Variants in GLP2R observed in about 807,000 individuals in gnomAD.
GLP2R encodes glucagon like peptide 2 receptor, also known as glucagon-like peptide 2 receptor.
In GLP2R, 59 loss-of-function variants were observed where a neutral mutation model predicts 68.2. That is an observed-to-expected ratio of 0.87 (90% CI 0.70 to 1.07). The LOEUF is 1.07. Among genes scored for constraint, GLP2R ranks in the 50% least tolerant of loss-of-function variants. GLP2R has a pLI of 0.00. For synonymous variants in GLP2R, 270 were observed against 265.4 expected (o/e 1.02, Z -0.17); for missense variants, 548 against 677.4 (o/e 0.81, Z 2.12).
At position 9,854,621 on chromosome 17, in the gene GLP2R, G is replaced by A. The variant is rs1463497454; in HGVS notation, c.611+20G>A. The stretch of plus-strand genomic sequence containing the variant: ...TCTTCGGTGAGTAGAACTTCTGCAG[G>A]CATGTGTTCGGGCAGGTATAGTAGC... On this transcript the variant is annotated intron_variant, in intron 5 of 12. Transcript: ENST00000262441. The A allele has an allele frequency of 3.6e-6, 5 of 1,383,834 alleles. No individual in the cohort carries two copies. The African/African-American group carries it at 7.1e-5, about 20-fold the overall frequency. 85.7% of individuals were successfully genotyped at this position (1,383,834 alleles called of 1,614,324 possible). A position where few individuals can be genotyped will look rare whatever the true frequency, so the allele number is the denominator to read the frequency against.
chr17:9,861,988 T>C, intron 8 of GLP2R, 33 bp from the exon 9 acceptor site: 1 of 1,486,536 alleles, frequency 6.7e-7, no homozygotes, highest in South Asian at 1.1e-5. Context: ...TGTTTTTAAG[T>C]CTTCTACTGC....
intron 8 of GLP2R, 84 bp downstream of exon 8, chr17:9,861,283 G>T (rs576231143): frequency 8.5e-5 from 79 of 932,242 alleles, no homozygotes; most frequent in Non-Finnish European, 1.4e-4. Flanking sequence ...TCATTTTACC[G>T]TAGAAAATAT....
chr17:9,840,859 A>C (rs1376212952), intron 3 of GLP2R, among the ~76,000 whole-genome samples: 1 of 152,178 alleles, frequency 6.6e-6, no homozygotes, highest in African/African-American at 2.4e-5. Flanking sequence ...TTCCATGAAG[A>C]GAAGTAGGCA....
In GLP2R at chr17:9,851,709, G is replaced by A. The variant is rs200760370; in HGVS notation, c.505-2786G>A. Among the ~76,000 whole-genome samples the A allele has an allele frequency of 1.2e-4, 18 of 151,240 alleles. No homozygotes were observed. The East Asian group carries it at 2.5e-3, about 21-fold the overall frequency. On this transcript the variant is annotated intron_variant, in intron 4 of 12. Coordinates refer to ENST00000262441, the MANE Select transcript of GLP2R (RefSeq NM_004246.3). The stretch of plus-strand genomic sequence containing the variant: ...ATAACAGAGAAAGAAAAAAACATAC[G>A]ACATAGACATTTTAATCTACAAAAA...
chr17:9,878,348 G>T (rs961531410), intron 10 of GLP2R, among the ~76,000 whole-genome samples: 4 of 152,156 alleles, frequency 2.6e-5, no homozygotes, highest in Non-Finnish European at 4.4e-5. Context: ...AACAAAAATT[G>T]CTCCGTGGCC....
In GLP2R at chr17:9,891,432, G is replaced by C. The variant is rs985883656; in HGVS notation, c.*1727G>C. 1 of 152,250 alleles carries C rather than the reference G, an allele frequency of 6.6e-6. No individual in the cohort carries two copies. 9.4% of individuals were successfully genotyped at this position (152,250 alleles called of 1,614,324 possible). On this transcript the variant is annotated 3_prime_UTR_variant, in exon 13 of 13. Coordinates refer to ENST00000262441, the MANE Select transcript of GLP2R (RefSeq NM_004246.3). ...TTTATAGAAATGAAATTTGATTGGA[G>C]CCAGGGGCAGGATAAGGGTGAGGCA...
At position 9,846,004 on chromosome 17, in the gene GLP2R, A is replaced by T. The variant is rs528160816; in HGVS notation, c.504+3388A>T. Among the ~76,000 whole-genome samples, 11 of 152,312 alleles carry T rather than the reference A, an allele frequency of 7.2e-5. No individual in the cohort carries two copies. The South Asian group carries it at 2.1e-3, about 29-fold the overall frequency. ...TGCTTTAGACATTTAAACTATGTTA[A>T]ATAATTGTTATAATAAGAAAATCTT... On this transcript the variant is annotated intron_variant, in intron 4 of 12. Coordinates refer to ENST00000262441, the MANE Select transcript of GLP2R (RefSeq NM_004246.3).
chr17:9,862,512 A>G (rs2066996096), intron 9 of GLP2R, among the ~76,000 whole-genome samples: 1 of 152,174 alleles, frequency 6.6e-6, no homozygotes, highest in Non-Finnish European at 1.5e-5. Context: ...CACAATTAAT[A>G]TTAACCCAAA....
At chr17:9,877,615 G>C (rs1312005241) in intron 10 of GLP2R, among the ~76,000 whole-genome samples, 2 of 152,026 alleles carry the variant, frequency 1.3e-5, no homozygotes, top group Non-Finnish European at 2.9e-5. Context: ...CTATGCCGGG[G>C]GCGGTGGCTC....
chr17:9,879,391 G>A (rs1182007868), intron 10 of GLP2R, among the ~76,000 whole-genome samples: 1 of 152,008 alleles, frequency 6.6e-6, no homozygotes, highest in Non-Finnish European at 1.5e-5. Context: ...CAGCTTCTCT[G>A]GAGTCCGAAG....
chr17:9,871,339 G>A (rs1339219418), intron 10 of GLP2R, among the ~76,000 whole-genome samples: 1 of 139,424 alleles, frequency 7.2e-6, no homozygotes, highest in Non-Finnish European at 1.6e-5. Flanking sequence ...GGGTGACCCT[G>A]TCTCAAAAAA....
chr17:9,839,273 G>A (rs1259083051), intron 3 of GLP2R, among the ~76,000 whole-genome samples: 2 of 152,156 alleles, frequency 1.3e-5, no homozygotes, highest in Admixed American at 6.5e-5. Context: ...AAGGGCAAGA[G>A]GGCAGAGAGA....
At chr17:9,839,455 T>C (rs1327174605) in intron 3 of GLP2R, among the ~76,000 whole-genome samples, 1 of 151,832 alleles carries the variant, frequency 6.6e-6, no homozygotes, top group Non-Finnish European at 1.5e-5. Flanking sequence ...GGTCTCAGGG[T>C]CCACCTGGCC....
chr17:9,859,939 C>T lies in GLP2R; in HGVS notation c.766-3C>T. 6.3e-7 allele frequency: 1 copy of T among 1,593,830 alleles called. No homozygotes were observed. ...TCACCCTCAGGTGTTTTTTCCTCTG[C>T]AGATGTCCACCTCCTGCCGCTCAGT... On this transcript the variant is annotated splice_polypyrimidine_tract_variant and splice_region_variant and intron_variant, in intron 6 of 12. Coordinates refer to ENST00000262441, the MANE Select transcript of GLP2R (RefSeq NM_004246.3).
Position 9,826,214 on chromosome 17 carries a change from C to A in GLP2R, c.151C>A (p.Pro51Thr), listed in dbSNP as rs756219355. The change falls in exon 1 of 13, where the codon CCC (proline) becomes ACC (threonine). Residue 51 changes from proline (P) to threonine (T), a missense_variant. By Grantham distance (38) the Pro-to-Thr change is conservative. Transcript: ENST00000262441. ...RKCSLWAPGR[P>T]FLTLVLLVSI... ...GTGCTCTCTCTGGGCCCCTGGGAGG[C>A]CCTTCCTCACTCTGGTCCTGCTGGT... 1.2e-6 allele frequency: 2 copies of A among 1,612,032 alleles called. No individual in the cohort carries two copies. The highest frequency in any genetic ancestry group is 1.3e-5 in the African/African-American group (1 of 74,968).
At chr17:9,860,219 C>T in intron 7 of GLP2R, 118 bp downstream of exon 7, 1 of 933,874 alleles carries the variant, frequency 1.1e-6, no homozygotes, top group Non-Finnish European at 1.6e-6. Flanking sequence ...ACATATAAGT[C>T]CTCAAAGACA....
In GLP2R at chr17:9,854,588, CTCT is replaced by C. The variant is rs763086086; in HGVS notation, c.600_602del (p.Leu201del). The C allele has an allele frequency of 6.3e-7, 1 of 1,594,838 alleles. No homozygotes were observed. Among genetic ancestry groups the C allele is most frequent in the Non-Finnish European group, 8.6e-7 (1 of 1,162,402 alleles). On this transcript the variant is annotated inframe_deletion, in exon 5 of 13. Transcript: ENST00000262441. ...CTCCCTCTTCCTGGCTCTCACCCTC[CTCT>C]TGTTTCTTCGGTGAGTAGAACTTCT...
At chr17:9,842,457 T>C in intron 3 of GLP2R, 38 bp from the exon 4 acceptor site, 1 of 1,613,416 alleles carries the variant, frequency 6.2e-7, no homozygotes, top group Non-Finnish European at 8.5e-7. Context: ...ACGGGCTGTG[T>C]GTTCTGACCT....
rs1163086013 is a variant in GLP2R, at chr17:9,836,578, C to T, written c.382+103C>T. The T allele has an allele frequency of 1.9e-5, 13 of 670,540 alleles. No individual in the cohort carries two copies. In the South Asian group the frequency reaches 2.2e-4, roughly 11 times the overall value. 41.5% of individuals were successfully genotyped at this position (670,540 alleles called of 1,614,324 possible). A position where few individuals can be genotyped will look rare whatever the true frequency, so the allele number is the denominator to read the frequency against. Reference sequence around the variant, plus strand: ...TCTAAGCTCTCAGTAATACATCTTCCTTCTGTAATTTTTCTATTCCTGGAT... The same window carrying T: ...TCTAAGCTCTCAGTAATACATCTTCTTTCTGTAATTTTTCTATTCCTGGAT... On this transcript the variant is annotated intron_variant, in intron 3 of 12. Transcript: ENST00000262441.
Sources: allele counts gnomAD v4.1 joint callset (sites outside exome capture counted in the v4.1 genomes callset), GRCh38; gene constraint gnomAD v4.1.1; transcripts MANE v1.5; gene names NCBI Gene and HGNC (gene_info 2026-07-23, HGNC 2026-07-21).